Variants in SLC38A6 observed in about 807,000 individuals in gnomAD.
SLC38A6 encodes the protein N system amino acid transporter NAT-1.
SLC38A6 carries 73 observed loss-of-function variants against 65.0 expected under a neutral mutation model. That is an observed-to-expected ratio of 1.12 (90% CI 0.93 to 1.37). The LOEUF is 1.37. SLC38A6 is among the 40% of genes most tolerant of loss of function. The pLI is 0.00. For missense variants in SLC38A6, 561 were observed against 531.1 expected, an observed-to-expected ratio of 1.06 and a Z score of -0.55; for synonymous variants, 183 against 178.8, an observed-to-expected ratio of 1.02 and a Z score of -0.19.
chr14:61,023,109 A>C (rs1226778205), intron 5 of SLC38A6, among the ~76,000 whole-genome samples: 1 of 152,222 alleles, frequency 6.6e-6, no homozygotes, highest in African/African-American at 2.4e-5. Flanking sequence ...AGTTCTGCTT[A>C]AAAGCCTAAG....
intron 4 of SLC38A6, among the ~76,000 whole-genome samples, chr14:61,017,078 GT>G (rs2040060243): frequency 3.3e-5 from 5 of 152,072 alleles, no homozygotes; most frequent in Admixed American, 3.3e-4. Flanking sequence ...TTTCGCTCTT[GT>G]TGCCCAGGCT....
chr14:61,001,497 C>G (rs2038706525), intron 3 of SLC38A6, among the ~76,000 whole-genome samples: 1 of 152,118 alleles, frequency 6.6e-6, no homozygotes, highest in Non-Finnish European at 1.5e-5. Context: ...TTATTTTTAT[C>G]AAAAGTAATA....
intron 1 of SLC38A6, 43 bp from the exon 2 acceptor site, chr14:60,982,465 C>A (rs1488363383): frequency 6.3e-7 from 1 of 1,580,436 alleles, no homozygotes; most frequent in Non-Finnish European, 8.6e-7. Context: ...ATTTTAACTT[C>A]ACCGTCCAAA....
At chr14:61,037,238 AC>A in intron 7 of SLC38A6, 97 bp downstream of exon 7, 1 of 904,220 alleles carries the variant, frequency 1.1e-6, no homozygotes, top group Non-Finnish European at 1.7e-6. Flanking sequence ...ATTTCACAGT[AC>A]CACATTTTTG....
At chr14:61,005,519 G>A (rs1023342280) in intron 3 of SLC38A6, among the ~76,000 whole-genome samples, 9 of 150,960 alleles carry the variant, frequency 6.0e-5, no homozygotes, top group African/African-American at 2.2e-4. Flanking sequence ...AAAATCACAA[G>A]CATTCTTATA....
downstream of SLC38A6, among the ~76,000 whole-genome samples, chr14:61,053,636 C>T (rs185308974): frequency 2.0e-4 from 31 of 152,194 alleles, no homozygotes; most frequent in Admixed American, 2.0e-3. Flanking sequence ...CTCTAATGAT[C>T]AGTGCTACTG....
intron 3 of SLC38A6, among the ~76,000 whole-genome samples, chr14:60,994,300 C>T (rs1264359379): frequency 6.6e-6 from 1 of 152,332 alleles, no homozygotes; most frequent in East Asian, 1.9e-4. Flanking sequence ...AATCCCAGCA[C>T]TTTGGGAGGC....
At chr14:61,079,089 C>T (rs2043540528) in intron 16 of SLC38A6, among the ~76,000 whole-genome samples, 1 of 151,024 alleles carries the variant, frequency 6.6e-6, no homozygotes, top group Non-Finnish European at 1.5e-5. Flanking sequence ...CAGGTCAAGA[C>T]CTCTGGCATC....
At chr14:61,052,166 C>A (rs570123085) in intron 15 of SLC38A6, 31 bp downstream of exon 15, 1 of 1,483,892 alleles carries the variant, frequency 6.7e-7, no homozygotes, top group Non-Finnish European at 9.0e-7. Flanking sequence ...TCTTTCAAGA[C>A]TTCTATTTTA....
intron 15 of SLC38A6, among the ~76,000 whole-genome samples, chr14:61,075,203 A>G (rs1311333427): frequency 6.6e-6 from 1 of 152,230 alleles, no homozygotes; most frequent in Non-Finnish European, 1.5e-5. Flanking sequence ...AGCGTTTAAT[A>G]TTCAGTTTTA....
chr14:60,993,903 A>C (rs2038087152), intron 3 of SLC38A6, among the ~76,000 whole-genome samples: 1 of 152,246 alleles, frequency 6.6e-6, no homozygotes, highest in Admixed American at 6.5e-5. Flanking sequence ...CACATGTATT[A>C]GAATGACAAA....
In SLC38A6 at chr14:61,065,821, T is replaced by C. The variant is rs137988777; in HGVS notation, c.1291-12989T>C. Among the ~76,000 whole-genome samples, 552 of 152,356 alleles carry C rather than the reference T, an allele frequency of 3.6e-3. 3 individuals are homozygous for C. Among genetic ancestry groups the C allele is most frequent in the African/African-American group, 0.012 (508 of 41,586 alleles). ...ACAGATTTTTCTCTTCTCTCTTCTC[T>C]GTCCTGCATGTTTGCAGGCTCAGGT... On this transcript the variant is annotated intron_variant, in intron 15 of 16. Coordinates refer to the SLC38A6 transcript ENST00000354886.
Position 61,040,338 on chromosome 14 carries a change from A to ATTT in SLC38A6, c.624+2672_624+2674dup, listed in dbSNP as rs71114180. Among the ~76,000 whole-genome samples, 124 of 134,742 alleles carry ATTT rather than the reference A, an allele frequency of 9.2e-4. 1 individual carries two copies. In the East Asian group the frequency reaches 0.019, roughly 21 times the overall value. 88.4% of individuals were successfully genotyped at this position (134,742 alleles called of 152,430 possible). On this transcript the variant is annotated intron_variant, in intron 8 of 15. Coordinates refer to ENST00000267488, the MANE Select transcript of SLC38A6 (RefSeq NM_153811.3). ...AGCTGCATACCACCACGCCTGGATA[A>ATTT]TTTTTTTTTTTTTTTTTTTGAGATG...
chr14:61,079,947 C>T (rs1238090187), intron 16 of SLC38A6, among the ~76,000 whole-genome samples: 2 of 151,950 alleles, frequency 1.3e-5, no homozygotes, highest in African/African-American at 2.4e-5. Flanking sequence ...CTAGAACAGT[C>T]CCCAGCAAGA....
At chr14:60,985,241 C>T (rs1331034597) in intron 3 of SLC38A6, among the ~76,000 whole-genome samples, 2 of 152,172 alleles carry the variant, frequency 1.3e-5, no homozygotes, top group Non-Finnish European at 2.9e-5. Context: ...GGTCACAAAG[C>T]TTTAATTTAT....
chr14:61,038,493 A>G (rs569755830), intron 8 of SLC38A6, among the ~76,000 whole-genome samples: 9 of 152,290 alleles, frequency 5.9e-5, no homozygotes, highest in Non-Finnish European at 1.3e-4. Flanking sequence ...ATACATGTCC[A>G]AATGAGCTTT....
rs766146037 is a variant in SLC38A6, at chr14:60,984,809, TA to T, written c.310+11del. 3 of 1,612,810 alleles carry T rather than the reference TA, an allele frequency of 1.9e-6. No homozygotes were observed. Among genetic ancestry groups the T allele is most frequent in the Non-Finnish European group, 2.5e-6 (3 of 1,178,994 alleles). On this transcript the variant is annotated splice_region_variant and intron_variant, in intron 3 of 15. Coordinates refer to ENST00000267488, the MANE Select transcript of SLC38A6 (RefSeq NM_153811.3). ...TAGTATGTGTATTCAGACAGGTGAGTAAAAATGTTATGCTGCTTCATTTAAT... is the reference window on the plus strand; with the variant it reads ...TAGTATGTGTATTCAGACAGGTGAGTAAAATGTTATGCTGCTTCATTTAAT...
chr14:60,992,519 A>C (rs1434747096), intron 3 of SLC38A6, among the ~76,000 whole-genome samples: 1 of 152,106 alleles, frequency 6.6e-6, no homozygotes, highest in African/African-American at 2.4e-5. Context: ...ATTTAAGTTC[A>C]TGTCATTTTA....
intron 8 of SLC38A6, 26 bp downstream of exon 8, chr14:61,037,709 T>A: frequency 7.0e-7 from 1 of 1,436,898 alleles, no homozygotes; most frequent in Non-Finnish European, 9.6e-7. Context: ...AATACATTGC[T>A]TATCTCCTCA....
Sources: allele counts gnomAD v4.1 joint callset (sites outside exome capture counted in the v4.1 genomes callset), GRCh38; gene constraint gnomAD v4.1.1; transcripts MANE v1.5; gene names NCBI Gene and HGNC (gene_info 2026-07-23, HGNC 2026-07-21).